Variants in STOM observed in about 807,000 individuals in gnomAD.
STOM encodes the protein stomatin, also known as erythrocyte band 7 integral membrane protein.
Under a neutral mutation model 30.6 loss-of-function variants are expected in STOM, and 25 were observed. The observed-to-expected ratio is 0.82, with a 90% CI of 0.60 to 1.14. The LOEUF is 1.14. STOM is among the 50% of genes most tolerant of loss of function. The pLI, the probability that STOM is intolerant of heterozygous loss-of-function variation, is 0.00. For missense variants in STOM, 292 were observed against 365.2 expected, an observed-to-expected ratio of 0.80 and a Z score of 1.63; for synonymous variants, 118 against 130.8, an observed-to-expected ratio of 0.90 and a Z score of 0.67.
chr9:121,357,807 C>A (rs981438185), intron 1 of STOM, among the ~76,000 whole-genome samples: 3 of 152,032 alleles, frequency 2.0e-5, no homozygotes, highest in African/African-American at 4.8e-5. Flanking sequence ...TGTAGCTATT[C>A]TCTTTCACCT....
intron 3 of STOM, among the ~76,000 whole-genome samples, chr9:121,353,930 CT>C (rs913355457): frequency 1.3e-5 from 2 of 152,214 alleles, no homozygotes; most frequent in African/African-American, 4.8e-5. Context: ...TAACACTTCT[CT>C]GGTTTTCTCT....
rs1256263719 is a variant in STOM, at chr9:121,341,150, G to C, written c.*52C>G. ...CCCTACCCTCTCTTTATGAGTTAAA[G>C]GCTAATTTGGTCCCCGACTTCATGC... On this transcript the variant is annotated 3_prime_UTR_variant, in exon 7 of 7. Transcript: ENST00000286713. 6.2e-7 allele frequency: 1 copy of C among 1,611,574 alleles called. No individual in the cohort carries two copies. The highest frequency in any genetic ancestry group is 2.2e-5 in the East Asian group (1 of 44,846).
chr9:121,356,621 C>T (rs984441922), intron 1 of STOM, among the ~76,000 whole-genome samples: 16 of 152,090 alleles, frequency 1.1e-4, no homozygotes, highest in Admixed American at 4.6e-4. Context: ...AGGAATGGGG[C>T]GGGGAGGTGA....
chr9:121,345,409 G>A (rs1315778194), intron 6 of STOM, among the ~76,000 whole-genome samples: 19 of 152,074 alleles, frequency 1.2e-4, no homozygotes, highest in Admixed American at 6.6e-5. Flanking sequence ...GCATTTCCCC[G>A]ATGGCTAATT....
intron 4 of STOM, 98 bp downstream of exon 4, chr9:121,353,122 A>T (rs1192338465): frequency 2.0e-6 from 1 of 504,622 alleles, no homozygotes; most frequent in African/African-American, 2.0e-5. Context: ...CAAAAATTTA[A>T]AATAAATAAA....
chr9:121,359,793 C>T (rs1279243411), intron 1 of STOM, among the ~76,000 whole-genome samples: 2 of 152,162 alleles, frequency 1.3e-5, no homozygotes, highest in Non-Finnish European at 2.9e-5. Context: ...AAAAAATCCT[C>T]ATTAAGAATG....
rs116021430 is a variant in STOM, at chr9:121,354,382, C to T, written c.238+219G>A. Among the ~76,000 whole-genome samples, 614 of 152,070 alleles carry T rather than the reference C, an allele frequency of 4.0e-3. 4 individuals are homozygous for T. The highest frequency in any genetic ancestry group is 0.014 in the African/African-American group (584 of 41,460). On this transcript the variant is annotated intron_variant, in intron 3 of 6. Transcript: ENST00000286713. ...CAATAAAAAAATTTTAGACTGGGCACGGTGGCTCACGTCTGTAATCCTAGT... is the reference window on the plus strand; with the variant it reads ...CAATAAAAAAATTTTAGACTGGGCATGGTGGCTCACGTCTGTAATCCTAGT...
chr9:121,366,289 A>T (rs2064502616), intron 1 of STOM: 7 of 980,952 alleles, frequency 7.1e-6, no homozygotes, highest in Non-Finnish European at 7.3e-6. Context: ...AAAAGAATGT[A>T]GCAACAAGTG....
chr9:121,366,117 A>G, intron 1 of STOM: 1 of 985,266 alleles, frequency 1.0e-6, no homozygotes, highest in Non-Finnish European at 1.2e-6. Context: ...CTACCTTACC[A>G]TAGTGCTCAC....
chr9:121,368,454 G>A (rs991297743), intron 1 of STOM, among the ~76,000 whole-genome samples: 3 of 152,152 alleles, frequency 2.0e-5, no homozygotes, highest in East Asian at 1.9e-4. Context: ...ACTAACTATC[G>A]AAGAGGCAGT....
chr9:121,349,174 G>T lies in STOM; in HGVS notation c.471C>A (p.Thr157=), dbSNP rs1316983636. 1 of 1,614,136 alleles carries T rather than the reference G, an allele frequency of 6.2e-7. No homozygotes were observed. Among genetic ancestry groups the T allele is most frequent in the Middle Eastern group, 1.6e-4 (1 of 6,062 alleles). ...CAGAGAGGATCTGAGAAAGATTCTT[G>T]GTGCCCAGAACATTCCTCAGAGTAG... ...AQTTLRNVLG[T]KNLSQILSDR... The change falls in exon 5 of 7, where the codon ACC becomes ACA. Residue 157 remains threonine, a synonymous_variant. Coordinates refer to ENST00000286713, the MANE Select transcript of STOM (RefSeq NM_004099.6).
intron 4 of STOM, among the ~76,000 whole-genome samples, chr9:121,351,039 T>C (rs34438282): frequency 2.0e-5 from 3 of 152,216 alleles, no homozygotes; most frequent in African/African-American, 4.8e-5. Flanking sequence ...CTGCCTACTG[T>C]TTATCATCGG....
At chr9:121,350,951 TG>T (rs2064333672) in intron 4 of STOM, among the ~76,000 whole-genome samples, 1 of 152,226 alleles carries the variant, frequency 6.6e-6, no homozygotes, top group Admixed American at 6.5e-5. Flanking sequence ...TCCCATGACA[TG>T]ATGGGAAAAT....
At chr9:121,355,190 C>T (rs948523643) in intron 2 of STOM, among the ~76,000 whole-genome samples, 4 of 145,794 alleles carry the variant, frequency 2.7e-5, no homozygotes, top group African/African-American at 1.0e-4. Context: ...ACCGAGATCG[C>T]ACCACTGCAC....
At position 121,348,105 on chromosome 9, in the gene STOM, C is replaced by A; in HGVS notation, c.570G>T (p.Glu190Asp). Residue 190 changes from glutamate to aspartate, a missense_variant, in exon 6 of 7, where the codon GAG becomes GAT. By Grantham distance (45) the Glu-to-Asp change is conservative. Coordinates refer to ENST00000286713, the MANE Select transcript of STOM (RefSeq NM_004099.6). ...GTTTCACATCCTTAATTTCCACACG[C>A]TCCACCTTTATTCCCCAGGCATCAG... ...DATDAWGIKV[E>D]RVEIKDVKLP... The A allele has an allele frequency of 6.2e-7, 1 of 1,614,240 alleles. No homozygotes were observed. Among genetic ancestry groups the A allele is most frequent in the East Asian group, 2.2e-5 (1 of 44,884 alleles).
chr9:121,355,620 G>A lies in STOM; in HGVS notation c.165+433C>T, dbSNP rs141928363. On this transcript the variant is annotated intron_variant, in intron 2 of 6. Coordinates refer to ENST00000286713, the MANE Select transcript of STOM (RefSeq NM_004099.6). ...TATGACGTGCCAGGCATTGTGATAA[G>A]TACATTTAGACACATAATTCATTTA... is the stretch of plus-strand genomic sequence containing the variant. Among the ~76,000 whole-genome samples the A allele has an allele frequency of 4.5e-4, 68 of 152,282 alleles. No homozygotes were observed. The Middle Eastern group carries it at 0.01, about 23-fold the overall frequency.
chr9:121,356,184 T>A, intron 1 of STOM, 28 bp from the exon 2 acceptor site: 1 of 1,575,532 alleles, frequency 6.3e-7, no homozygotes, highest in Non-Finnish European at 8.7e-7. Context: ...TATACAACTC[T>A]CACAACTGTT....
At chr9:121,342,541 C>T (rs780118248) in intron 6 of STOM, among the ~76,000 whole-genome samples, 11 of 151,212 alleles carry the variant, frequency 7.3e-5, no homozygotes, top group African/African-American at 1.5e-4. Context: ...AAGAATCTGG[C>T]GGAAGTGAAG....
chr9:121,345,324 C>T (rs1210932279), intron 6 of STOM, among the ~76,000 whole-genome samples: 1 of 152,178 alleles, frequency 6.6e-6, no homozygotes, highest in Admixed American at 6.5e-5. Context: ...CTCTCACCCA[C>T]ACTTGGTTCT....
Sources: allele counts gnomAD v4.1 joint callset (sites outside exome capture counted in the v4.1 genomes callset), GRCh38; gene constraint gnomAD v4.1.1; transcripts MANE v1.5; gene names NCBI Gene and HGNC (gene_info 2026-07-23, HGNC 2026-07-21).